Variants in PEX5L observed in about 807,000 individuals in gnomAD.
PEX5L encodes the protein PEX5-related protein.
Under a neutral mutation model 84.0 loss-of-function variants are expected in PEX5L, and 30 were observed. The ratio of observed to expected loss-of-function variants is 0.36; its 90% CI spans 0.27 to 0.48. PEX5L has a LOEUF of 0.48. Ranked by LOEUF, PEX5L falls within the 20% of genes least tolerant of loss-of-function variation. PEX5L has a pLI of 0.99. For synonymous variants in PEX5L, 270 were observed against 283.1 expected (o/e 0.95, Z 0.46); for missense variants, 533 against 754.6 (o/e 0.71, Z 3.44).
intron 8 of PEX5L, among the ~76,000 whole-genome samples, chr3:179,831,079 A>C (rs1654470142): frequency 6.6e-6 from 1 of 152,178 alleles, no homozygotes. Flanking sequence ...TCACTTTGGG[A>C]GACTGAGGCA....
At chr3:179,936,214 C>CTGAT (rs575837821) in intron 2 of PEX5L, among the ~76,000 whole-genome samples, 2,022 of 152,128 alleles carry the variant, frequency 0.013, 14 homozygotes, top group Admixed American at 0.022. Flanking sequence ...TGATTCCTTA[C>CTGAT]TGATTATATT....
chr3:179,855,179 G>A (rs867739885), intron 8 of PEX5L, among the ~76,000 whole-genome samples: 1 of 152,128 alleles, frequency 6.6e-6, no homozygotes, highest in Non-Finnish European at 1.5e-5. Flanking sequence ...TGGAGAGGTG[G>A]CCAGGTGCCG....
intron 2 of PEX5L, among the ~76,000 whole-genome samples, chr3:179,946,827 AG>A (rs1274372015): frequency 2.0e-5 from 3 of 152,250 alleles, no homozygotes; most frequent in African/African-American, 7.2e-5. Context: ...TAGTGGAGGC[AG>A]CTTTTTCCAG....
intron 2 of PEX5L, among the ~76,000 whole-genome samples, chr3:179,908,610 C>A (rs1764071575): frequency 9.0e-6 from 1 of 111,720 alleles, no homozygotes; most frequent in African/African-American, 3.4e-5. Context: ...TAATGCTATC[C>A]CTCCCCCCTC....
chr3:179,840,310 T>C (rs925595426), intron 8 of PEX5L, among the ~76,000 whole-genome samples: 2 of 149,960 alleles, frequency 1.3e-5, no homozygotes, highest in African/African-American at 2.5e-5. Context: ...CGTCTTAGCC[T>C]CCTGAGTAGC....
chr3:179,851,148 A>G (rs1266847240), intron 8 of PEX5L, among the ~76,000 whole-genome samples: 5 of 152,204 alleles, frequency 3.3e-5, no homozygotes, highest in Admixed American at 3.3e-4. Flanking sequence ...AAAGTTAAAG[A>G]GAAGTAAAGA....
intron 2 of PEX5L, among the ~76,000 whole-genome samples, chr3:179,942,113 T>A (rs780316285): frequency 2.0e-5 from 3 of 152,114 alleles, no homozygotes; most frequent in Non-Finnish European, 2.9e-5. Flanking sequence ...AAGTTCACTC[T>A]GCTTTTTACC....
chr3:179,988,537 G>A (rs1413842788), intron 1 of PEX5L, among the ~76,000 whole-genome samples: 1 of 152,136 alleles, frequency 6.6e-6, no homozygotes, highest in Non-Finnish European at 1.5e-5. Flanking sequence ...CAGCTGTTAT[G>A]TACACTTCCC....
chr3:179,941,909 T>C (rs1421194060), intron 2 of PEX5L, among the ~76,000 whole-genome samples: 6 of 149,044 alleles, frequency 4.0e-5, no homozygotes, highest in Non-Finnish European at 8.9e-5. Flanking sequence ...TAATCCCAGC[T>C]ACTTGGGAGG....
At chr3:179,852,171 G>A (rs1742152373) in intron 8 of PEX5L, among the ~76,000 whole-genome samples, 1 of 152,198 alleles carries the variant, frequency 6.6e-6, no homozygotes, top group African/African-American at 2.4e-5. Context: ...GGTCTTTTAT[G>A]AAGGTGGAAT....
In PEX5L at chr3:179,875,346, T is replaced by C. The variant is rs371842414; in HGVS notation, c.629+8A>G. ...AAATGGCCGTTTTCTGGTATTAAAA[T>C]ACCTTACCATAAGAGCTCTTTTGAT... On this transcript the variant is annotated splice_region_variant and intron_variant, in intron 6 of 14. Coordinates refer to ENST00000467460, the MANE Select transcript of PEX5L (RefSeq NM_016559.3). 6.2e-7 allele frequency: 1 copy of C among 1,613,788 alleles called. No homozygotes were observed. Among genetic ancestry groups the C allele is most frequent in the African/African-American group, 1.3e-5 (1 of 74,944 alleles).
intron 6 of PEX5L, 105 bp downstream of exon 6, chr3:179,875,249 A>T: frequency 9.9e-7 from 1 of 1,011,932 alleles, no homozygotes; most frequent in Middle Eastern, 2.4e-4. Context: ...TATAGGGGTT[A>T]CATGTGATGC....
intron 2 of PEX5L, among the ~76,000 whole-genome samples, chr3:179,962,089 T>C (rs1349713187): frequency 1.9e-5 from 1 of 51,286 alleles, no homozygotes; most frequent in Non-Finnish European, 4.4e-5. Flanking sequence ...TGTCACAAAG[T>C]TTGTGAGAAC....
chr3:179,994,144 G>A (rs1431302414), intron 1 of PEX5L, among the ~76,000 whole-genome samples: 1 of 152,108 alleles, frequency 6.6e-6, no homozygotes, highest in African/African-American at 2.4e-5. Flanking sequence ...TCAGTTTGCT[G>A]TTGTCCAGCT....
intron 1 of PEX5L, among the ~76,000 whole-genome samples, chr3:179,976,053 C>A (rs1785747787): frequency 6.6e-6 from 1 of 152,226 alleles, no homozygotes; most frequent in Non-Finnish European, 1.5e-5. Flanking sequence ...TGGATAAGCT[C>A]ACCAAAGAAG....
At chr3:180,026,990 C>T (rs1255959813) in intron 1 of PEX5L, among the ~76,000 whole-genome samples, 1 of 152,168 alleles carries the variant, frequency 6.6e-6, no homozygotes, top group Non-Finnish European at 1.5e-5. Flanking sequence ...GGCTCAGCTC[C>T]ACCAATCAGC....
At chr3:179,905,199 C>A (rs1011672943) in intron 2 of PEX5L, among the ~76,000 whole-genome samples, 39 of 152,178 alleles carry the variant, frequency 2.6e-4, no homozygotes, top group Middle Eastern at 6.9e-3. Flanking sequence ...CTCCACCAGA[C>A]AACAGGCCTC....
At chr3:179,815,827 TTC>T in intron 10 of PEX5L, 32 bp downstream of exon 10, 1 of 1,612,028 alleles carries the variant, frequency 6.2e-7, no homozygotes, top group Non-Finnish European at 8.5e-7. Flanking sequence ...CACATGCCCT[TTC>T]TGAGTCTGGC....
At chr3:179,978,436 C>T (rs576495455) in intron 1 of PEX5L, among the ~76,000 whole-genome samples, 3 of 152,046 alleles carry the variant, frequency 2.0e-5, no homozygotes, top group Non-Finnish European at 2.9e-5. Flanking sequence ...AGTATTTTAT[C>T]ATGAAAATTT....
Sources: gnomAD v4.1 joint callset for allele counts (sites outside exome capture counted in the v4.1 genomes callset) on GRCh38, gnomAD v4.1.1 for gene constraint, MANE v1.5 for transcripts, NCBI Gene and HGNC (gene_info 2026-07-23, HGNC 2026-07-21) for gene names.